TMEM71: variants seen among roughly 807,000 people sequenced by gnomAD.
TMEM71 encodes the protein transmembrane protein 71.
In TMEM71, 44 loss-of-function variants were observed where a neutral mutation model predicts 38.0. That is an observed-to-expected ratio of 1.16 (90% CI 0.91 to 1.49). The LOEUF (loss-of-function observed/expected upper bound fraction) is 1.49, where lower values mean the gene tolerates loss of function less well. Among genes scored for constraint, TMEM71 ranks in the 40% most tolerant of loss-of-function variants. The probability of loss-of-function intolerance (pLI) is 0.00; values close to 1 mark genes in which losing one functional copy is unlikely to be tolerated. For missense variants in TMEM71, 367 were observed against 348.6 expected, an observed-to-expected ratio of 1.05 and a Z score of -0.42; for synonymous variants, 133 against 122.5, an observed-to-expected ratio of 1.09 and a Z score of -0.56.
chr8:132,727,654 C>G (rs982854428), intron 6 of TMEM71, 144 bp downstream of exon 6: 1 of 642,792 alleles, frequency 1.6e-6, no homozygotes, highest in Admixed American at 3.3e-5. Flanking sequence ...GTCACCTGGG[C>G]TTTGGCAGAG....
At chr8:132,711,326 T>C (rs562800092) in intron 9 of TMEM71, among the ~76,000 whole-genome samples, 1 of 152,302 alleles carries the variant, frequency 6.6e-6, no homozygotes, top group African/African-American at 2.4e-5. Context: ...AGTATTTTAA[T>C]TGCACTTTAA....
chr8:132,747,961 G>A (rs1828485513), intron 4 of TMEM71, among the ~76,000 whole-genome samples: 1 of 152,174 alleles, frequency 6.6e-6, no homozygotes, highest in Non-Finnish European at 1.5e-5. Context: ...TGGTAGCAGA[G>A]GGTGGCTCAG....
chr8:132,749,513 G>A (rs1482830854), intron 4 of TMEM71, among the ~76,000 whole-genome samples: 1 of 152,162 alleles, frequency 6.6e-6, no homozygotes, highest in Non-Finnish European at 1.5e-5. Flanking sequence ...CCATTTACGG[G>A]CTGGGGAAAG....
intron 5 of TMEM71, among the ~76,000 whole-genome samples, chr8:132,736,061 T>C (rs1827728802): frequency 1.3e-5 from 2 of 152,202 alleles, no homozygotes; most frequent in South Asian, 2.1e-4. Flanking sequence ...TAGCAAATGT[T>C]AGAGAATCTG....
chr8:132,709,661 A>G (rs1364084616), downstream of TMEM71, among the ~76,000 whole-genome samples: 1 of 152,140 alleles, frequency 6.6e-6, no homozygotes, highest in Admixed American at 6.5e-5. Context: ...GGAGGGGGCC[A>G]CAAGCCAAGG....
rs191560761 is a variant in TMEM71, at chr8:132,733,795, G to A, written c.488-5809C>T. ...AGTGGATGATGAAAATGTGGTATAT[G>A]CATCCAATGGAATATTATTCAATCT... On this transcript the variant is annotated intron_variant, in intron 5 of 9. Transcript: ENST00000677595. Among the ~76,000 whole-genome samples the A allele has an allele frequency of 5.3e-3, 808 of 152,196 alleles. 2 individuals are homozygous for A. Among genetic ancestry groups the A allele is most frequent in the Non-Finnish European group, 9.1e-3 (622 of 68,004 alleles).
intron 4 of TMEM71, among the ~76,000 whole-genome samples, chr8:132,749,812 G>A (rs1012570315): frequency 6.6e-6 from 1 of 151,886 alleles, no homozygotes; most frequent in Non-Finnish European, 1.5e-5. Context: ...TCAGGGGATC[G>A]AGACCATCCT....
At chr8:132,718,647 G>A (rs1157451162) in intron 7 of TMEM71, among the ~76,000 whole-genome samples, 1 of 151,462 alleles carries the variant, frequency 6.6e-6, no homozygotes, top group South Asian at 2.1e-4. Flanking sequence ...TCCATCTGCC[G>A]CAACCTCCCA....
rs946140622 is a variant in TMEM71 at position 132,752,770 on chromosome 8, GAAA to G, written c.102-776_102-774del. Among the ~76,000 whole-genome samples, 225 of 133,056 alleles carry G rather than the reference GAAA, an allele frequency of 1.7e-3. 3 individuals carry two copies. The highest frequency in any genetic ancestry group is 6.0e-3 in the African/African-American group (210 of 35,144). 87.3% of individuals were successfully genotyped at this position (133,056 alleles called of 152,430 possible). ...TAAAGGAAGGAAGAAGAGAGAGAGA[GAAA>G]AAAAAAAGGGAGAGAGAGAAGGAAA... is the stretch of plus-strand genomic sequence containing the variant. On this transcript the variant is annotated intron_variant, in intron 3 of 9. Coordinates refer to ENST00000677595, the MANE Select transcript of TMEM71 (RefSeq NM_001382403.1).
chr8:132,749,873 A>G (rs1174973527), intron 4 of TMEM71, among the ~76,000 whole-genome samples: 2 of 151,950 alleles, frequency 1.3e-5, no homozygotes, highest in African/African-American at 2.4e-5. Context: ...AATTAGCTGG[A>G]CATGGTGGTG....
At chr8:132,730,840 C>T (rs1563748082) in intron 5 of TMEM71, among the ~76,000 whole-genome samples, 1 of 152,066 alleles carries the variant, frequency 6.6e-6, no homozygotes, top group Non-Finnish European at 1.5e-5. Context: ...GAGAATAAGA[C>T]ACTGTCCCAA....
chr8:132,723,794 G>T (rs1826980148), intron 6 of TMEM71, among the ~76,000 whole-genome samples: 1 of 152,106 alleles, frequency 6.6e-6, no homozygotes, highest in Non-Finnish European at 1.5e-5. Flanking sequence ...CCTAGCATTT[G>T]ATTCCTTTCA....
At chr8:132,756,641 C>T (rs1361605890) in intron 3 of TMEM71, among the ~76,000 whole-genome samples, 1 of 151,354 alleles carries the variant, frequency 6.6e-6, no homozygotes, top group Non-Finnish European at 1.5e-5. Context: ...AGCTGGAGTG[C>T]AGTGGTGTAG....
At chr8:132,757,069 T>G (rs1274862888) in intron 3 of TMEM71, among the ~76,000 whole-genome samples, 165 bp downstream of exon 3, 1 of 137,666 alleles carries the variant, frequency 7.3e-6, no homozygotes, top group African/African-American at 2.8e-5. Flanking sequence ...TTTTTTTTTT[T>G]GTATTTTTAG....
At chr8:132,752,865 A>T (rs1426671108) in intron 3 of TMEM71, among the ~76,000 whole-genome samples, 1 of 150,018 alleles carries the variant, frequency 6.7e-6, no homozygotes, top group Non-Finnish European at 1.5e-5. Flanking sequence ...GGAAGGAAGG[A>T]AGGAAGGAAG....
At chr8:132,712,141 A>T (rs1826268761) in intron 9 of TMEM71, among the ~76,000 whole-genome samples, 1 of 152,166 alleles carries the variant, frequency 6.6e-6, no homozygotes, top group South Asian at 2.1e-4. Flanking sequence ...GTAGATACAA[A>T]AATGAAGTCA....
At chr8:132,756,118 C>T (rs1267833447) in intron 3 of TMEM71, among the ~76,000 whole-genome samples, 1 of 151,716 alleles carries the variant, frequency 6.6e-6, no homozygotes, top group East Asian at 1.9e-4. Flanking sequence ...CTAGGGGAAA[C>T]ATCAACTGAT....
chr8:132,775,230 G>A, the TMEM71 span: 8 of 313,568 alleles, frequency 2.6e-5, no homozygotes, highest in African/African-American at 1.7e-4. Flanking sequence ...AGCCCCGCCC[G>A]CTAGCGGTCC....
upstream of TMEM71, among the ~76,000 whole-genome samples, chr8:132,762,082 G>A (rs1022211740): frequency 3.9e-5 from 6 of 152,204 alleles, no homozygotes; most frequent in Non-Finnish European, 7.3e-5. Context: ...AAGCCACCAC[G>A]TTTTGAGGTA....
Sources: gnomAD v4.1 joint callset for allele counts (sites outside exome capture counted in the v4.1 genomes callset) on GRCh38, gnomAD v4.1.1 for gene constraint, MANE v1.5 for transcripts, NCBI Gene and HGNC (gene_info 2026-07-23, HGNC 2026-07-21) for gene names.